INTS11: variants seen among roughly 807,000 people sequenced by gnomAD.
INTS11 encodes the protein CPSF3-like protein.
A neutral mutation model predicts 78.6 loss-of-function variants in INTS11; 77 were observed. That is an observed-to-expected ratio of 0.98 (90% CI 0.81 to 1.18). The LOEUF (loss-of-function observed/expected upper bound fraction) is 1.18. Among genes scored for constraint, INTS11 ranks in the 50% most tolerant of loss-of-function variants. The pLI, the probability that INTS11 is intolerant of heterozygous loss-of-function variation, is 0.00. For missense variants in INTS11, 875 were observed against 825.9 expected (o/e 1.06, Z -0.73); for synonymous variants, 441 against 326.9 (o/e 1.35, Z -3.77).
At chr1:1,320,388 C>T (rs1302014487) in intron 3 of INTS11, 68 bp downstream of exon 3, 1 of 1,497,410 alleles carries the variant, frequency 6.7e-7, no homozygotes, top group African/African-American at 1.4e-5. Flanking sequence ...GCTGCCGAGA[C>T]CAAGCAAGGT....
chr1:1,323,441 G>A (rs1248188781), intron 1 of INTS11, among the ~76,000 whole-genome samples: 1 of 152,154 alleles, frequency 6.6e-6, no homozygotes, highest in African/African-American at 2.4e-5. Context: ...TGGTTTTGCT[G>A]TCACCCAGGC....
chr1:1,323,726 G>A (rs1341622249), intron 1 of INTS11, among the ~76,000 whole-genome samples: 2 of 150,448 alleles, frequency 1.3e-5, no homozygotes, highest in Admixed American at 1.3e-4. Context: ...GGACTTTTAG[G>A]AGTACATATT....
intron 9 of INTS11, 48 bp downstream of exon 9, chr1:1,313,684 G>A (rs1449183597): frequency 2.5e-6 from 4 of 1,609,988 alleles, no homozygotes; most frequent in Middle Eastern, 1.6e-4. Context: ...CGGAAGACAG[G>A]AGACCGACGG....
chr1:1,319,325 C>T lies in INTS11; in HGVS notation c.400G>A (p.Val134Met). Residue 134 changes from valine to methionine, a missense_variant, in exon 4 of 17, where the codon GTG (valine) becomes ATG (methionine). Physicochemically the swap from Val to Met is conservative, Grantham distance 21. Transcript: ENST00000435064. Reference sequence around the variant, plus strand: ...ACCGTCTGGTGGAGGTGGACAGCCACCACCTTCTTCATGCAGTCTTTGATC... The same window carrying T: ...ACCGTCTGGTGGAGGTGGACAGCCATCACCTTCTTCATGCAGTCTTTGATC... ...QMIKDCMKKV[V>M]AVHLHQTVQV... 6.2e-7 allele frequency: 1 copy of T among 1,613,254 alleles called. No homozygotes were observed. The highest frequency in any genetic ancestry group is 8.5e-7 in the Non-Finnish European group (1 of 1,180,024).
At chr1:1,319,591 T>A in intron 3 of INTS11, 67 bp from the exon 4 acceptor site, 3 of 1,124,838 alleles carry the variant, frequency 2.7e-6, no homozygotes, top group Non-Finnish European at 3.8e-6. Context: ...GCTCTGGGCT[T>A]GTGGGTCACT....
Position 1,314,371 on chromosome 1 carries a change from G to A in INTS11, c.703-6C>T, listed in dbSNP as rs1402684968. ...GCGAACACAGGTATCAGCACCTGAG[G>A]GGGACACAAGGCAGGAGCCCTGGGC... On this transcript the variant is annotated splice_polypyrimidine_tract_variant and splice_region_variant and intron_variant, in intron 7 of 16. Coordinates refer to ENST00000435064, the MANE Select transcript of INTS11 (RefSeq NM_017871.6). The surrounding 1 kb of genome is among the most constrained non-coding windows in gnomAD (Gnocchi z 4.2). The A allele has an allele frequency of 2.5e-6, 4 of 1,603,666 alleles. No homozygotes were observed. The highest frequency in any genetic ancestry group is 1.1e-5 in the South Asian group (1 of 89,758).
At position 1,312,709 on chromosome 1, in the gene INTS11, C is replaced by T. The variant is rs562172320; in HGVS notation, c.1295-9G>A. 19 of 1,590,440 alleles carry T rather than the reference C, an allele frequency of 1.2e-5. No individual in the cohort carries two copies. The highest frequency in any genetic ancestry group is 9.0e-5 in the East Asian group (4 of 44,502). On this transcript the variant is annotated splice_polypyrimidine_tract_variant and intron_variant, in intron 12 of 16. Coordinates refer to ENST00000435064, the MANE Select transcript of INTS11 (RefSeq NM_017871.6). ...CATGTAGCAGTTGACCCCTGGACCCCGGGGGAAGAGAGAGCCTCAGCCCAG... is the reference window on the plus strand; with the variant it reads ...CATGTAGCAGTTGACCCCTGGACCCTGGGGGAAGAGAGAGCCTCAGCCCAG...
At chr1:1,318,866 T>A (rs767339358) in intron 4 of INTS11, 2 of 654,468 alleles carry the variant, frequency 3.1e-6, no homozygotes, top group South Asian at 3.4e-5. Context: ...TAACCTTCAC[T>A]TCTTCCCTGA....
chr1:1,319,682 C>T (rs778599211), intron 3 of INTS11, 158 bp from the exon 4 acceptor site: 27 of 591,148 alleles, frequency 4.6e-5, no homozygotes, highest in Non-Finnish European at 7.2e-5. Flanking sequence ...AAAACTGTCT[C>T]CCTGGAACTT....
chr1:1,324,635 G>C lies in INTS11; in HGVS notation c.-27C>G, dbSNP rs759467187. The C allele has an allele frequency of 6.3e-6, 10 of 1,598,374 alleles. No individual in the cohort carries two copies. The East Asian group carries it at 1.9e-4, about 30-fold the overall frequency. On this transcript the variant is annotated 5_prime_UTR_variant, in exon 1 of 17. Transcript: ENST00000435064. ...GTCTCCGCCGCGCTCCCGGACCCGC[G>C]AGGCCCGCCTGCGGTGATGCACTGC...
rs534968182 is a variant in INTS11 at position 1,323,739 on chromosome 1, C to T, written c.28+842G>A. Among the ~76,000 whole-genome samples the T allele has an allele frequency of 2.1e-4, 32 of 149,638 alleles. No homozygotes were observed. In the South Asian group the frequency reaches 4.8e-3, roughly 22 times the overall value. On this transcript the variant is annotated intron_variant, in intron 1 of 16. Transcript: ENST00000435064. ...CAGGACTTTTAGGAGTACATATTTGCGTTTTTTGCTATTTTTTTCAGTGTT... is the reference window on the plus strand; with the variant it reads ...CAGGACTTTTAGGAGTACATATTTGTGTTTTTTGCTATTTTTTTCAGTGTT...
chr1:1,312,208 GC>G lies in INTS11; in HGVS notation c.1607+17del, dbSNP rs1220644202. The G allele has an allele frequency of 5.3e-5, 60 of 1,123,196 alleles. 1 individual carries two copies. The highest frequency in any genetic ancestry group is 2.9e-4 in the Middle Eastern group (1 of 3,424). The allele number at this position is 1,123,196 out of a possible 1,614,324, so 69.6% of individuals were successfully genotyped here. On this transcript the variant is annotated intron_variant, in intron 15 of 16. Coordinates refer to ENST00000435064, the MANE Select transcript of INTS11 (RefSeq NM_017871.6). ...CAGGGCCCAAGGGAGTGGGGGGGGG[GC>G]GGGGCCGGGCGCCCACCTCTTGAGG...
chr1:1,320,739 G>C, intron 2 of INTS11: 1 of 718,534 alleles, frequency 1.4e-6, no homozygotes, highest in Non-Finnish European at 2.5e-6. Context: ...ACAGATGTGA[G>C]CTGGAAGCTG....
In INTS11 at chr1:1,312,208, G is replaced by GGGGGGGGGGC; in HGVS notation, c.1607+17_1607+18insGCCCCCCCCC. The GGGGGGGGGGC allele has an allele frequency of 3.6e-6, 4 of 1,123,358 alleles. No homozygotes were observed. Among genetic ancestry groups the GGGGGGGGGGC allele is most frequent in the Non-Finnish European group, 5.0e-6 (4 of 801,320 alleles). 69.6% of individuals were successfully genotyped at this position (1,123,358 alleles called of 1,614,324 possible). A position where few individuals can be genotyped will look rare whatever the true frequency, so the allele number is the denominator to read the frequency against. The stretch of plus-strand genomic sequence containing the variant: ...CAGGGCCCAAGGGAGTGGGGGGGGG[G>GGGGGGGGGGC]CGGGGCCGGGCGCCCACCTCTTGAG... On this transcript the variant is annotated intron_variant, in intron 15 of 16. Coordinates refer to ENST00000435064, the MANE Select transcript of INTS11 (RefSeq NM_017871.6).
intron 1 of INTS11, chr1:1,321,897 A>AAACCCCCCCCC: frequency 7.9e-7 from 1 of 1,258,204 alleles, no homozygotes; most frequent in Non-Finnish European, 1.0e-6. Context: ...TTCCCCTTGA[A>AAACCCCCCCCC]TCCCACCCAC....
chr1:1,324,179 G>GGGGCTGGGGGGCTGCTGGGCTGA (rs1449906347), intron 1 of INTS11, among the ~76,000 whole-genome samples: 1 of 16,606 alleles, frequency 6.0e-5, no homozygotes, highest in Non-Finnish European at 5.3e-4. Context: ...TGAGGGGCTG[G>GGGGCTGGGGGGCTGCTGGGCTGA]GAGGCTGAGA....
In INTS11 at chr1:1,324,647, C is replaced by A. The variant is rs1477843871; in HGVS notation, c.-39G>T. 1.3e-6 allele frequency: 2 copies of A among 1,594,810 alleles called. No homozygotes were observed. Among genetic ancestry groups the A allele is most frequent in the South Asian group, 1.1e-5 (1 of 88,990 alleles). ...CTCCCGGACCCGCGAGGCCCGCCTG[C>A]GGTGATGCACTGCGCAGGCGCAACC... On this transcript the variant is annotated 5_prime_UTR_variant, in exon 1 of 17. Transcript: ENST00000435064.
Position 1,314,888 on chromosome 1 carries a change from G to A in INTS11, c.638C>T (p.Ser213Phe). 1 of 1,613,142 alleles carries A rather than the reference G, an allele frequency of 6.2e-7. No individual in the cohort carries two copies. The highest frequency in any genetic ancestry group is 2.2e-5 in the East Asian group (1 of 44,874). Residue 213 changes from serine to phenylalanine, a missense_variant, in exon 7 of 17, where the codon TCC becomes TTC. Physicochemically the swap from Ser to Phe is radical, Grantham distance 155. Transcript: ENST00000435064. This position sits in a 1 kb window ranked among gnomAD's most constrained non-coding sequence, Gnocchi z 4.2. ...ESTYATTIRD[S>F]KRCRERDFLK... Reference sequence around the variant, plus strand: ...GAAGTCTCGCTCCCGGCAGCGCTTGGAGTCACGGATGGTCGTGGCGTACGT... The same window carrying A: ...GAAGTCTCGCTCCCGGCAGCGCTTGAAGTCACGGATGGTCGTGGCGTACGT...
chr1:1,313,695 G>A (rs2100574242), intron 9 of INTS11, 37 bp downstream of exon 9: 3 of 1,610,202 alleles, frequency 1.9e-6, no homozygotes, highest in South Asian at 1.1e-5. Flanking sequence ...AGACCGACGG[G>A]TGTGGATGTG....
Sources: allele counts gnomAD v4.1 joint callset (sites outside exome capture counted in the v4.1 genomes callset), GRCh38; gene constraint gnomAD v4.1.1; non-coding constraint Gnocchi (gnomAD v3.1); transcripts MANE v1.5; gene names NCBI Gene and HGNC (gene_info 2026-07-23, HGNC 2026-07-21).